Variants in WIPF3 observed in about 807,000 individuals in gnomAD.
WIPF3 encodes WAS/WASL-interacting protein family member 3.
Under a neutral mutation model 38.9 loss-of-function variants are expected in WIPF3, and 33 were observed. The observed-to-expected ratio is 0.85, with a 90% CI of 0.64 to 1.14. WIPF3 has a LOEUF of 1.14. Ranked by LOEUF, WIPF3 falls within the 50% of genes most tolerant of loss-of-function variation. WIPF3 has a pLI of 0.00. For synonymous variants in WIPF3, 324 were observed against 269.3 expected (o/e 1.20, Z -1.99); for missense variants, 711 against 652.5 (o/e 1.09, Z -0.98).
chr7:29,906,459 G>T (rs564636654), intron 8 of WIPF3, among the ~76,000 whole-genome samples: 1 of 152,212 alleles, frequency 6.6e-6, no homozygotes, highest in African/African-American at 2.4e-5. Context: ...CAAACTTGAA[G>T]ATAGGACAAC....
chr7:29,875,919 CAA>C lies in WIPF3; in HGVS notation c.182_183del (p.Lys61SerfsTer16). On this transcript the variant is annotated frameshift_variant, in exon 3 of 9. Transcript: ENST00000242140. LOFTEE classifies it high-confidence loss of function. ...ADIQQGTRLR[K>X]VTQINDRSAP... The stretch of plus-strand genomic sequence containing the variant: ...ATATCCAGCAAGGAACTCGCCTGCG[CAA>C]AGTCACGCAGATCAACGACCGCAGT... The C allele has an allele frequency of 1.2e-6, 2 of 1,614,030 alleles. No individual in the cohort carries two copies. The highest frequency in any genetic ancestry group is 1.7e-6 in the Non-Finnish European group (2 of 1,179,890).
At chr7:29,863,287 T>G (rs992282111) in intron 2 of WIPF3, among the ~76,000 whole-genome samples, 12 of 152,236 alleles carry the variant, frequency 7.9e-5, no homozygotes, top group Non-Finnish European at 1.8e-4. Flanking sequence ...TTATCATTAT[T>G]ATTCCATTGC....
intron 2 of WIPF3, among the ~76,000 whole-genome samples, chr7:29,861,575 A>T (rs575496758): frequency 6.6e-6 from 1 of 152,268 alleles, no homozygotes; most frequent in Non-Finnish European, 1.5e-5. Flanking sequence ...ATTTATTAAT[A>T]TATTGCTTGT....
At chr7:29,862,646 C>T (rs1337277859) in intron 2 of WIPF3, among the ~76,000 whole-genome samples, 1 of 152,098 alleles carries the variant, frequency 6.6e-6, no homozygotes, top group African/African-American at 2.4e-5. Flanking sequence ...ACTGTTTTGG[C>T]CAGGGTGTAA....
At chr7:29,838,127 C>G (rs1215807118) in intron 2 of WIPF3, among the ~76,000 whole-genome samples, 1 of 152,198 alleles carries the variant, frequency 6.6e-6, no homozygotes, top group Non-Finnish European at 1.5e-5. Flanking sequence ...ACTGTGTTAG[C>G]CAGGATGGTC....
intron 2 of WIPF3, among the ~76,000 whole-genome samples, chr7:29,860,483 T>C (rs551284870): frequency 2.0e-5 from 3 of 152,308 alleles, no homozygotes; most frequent in Admixed American, 2.0e-4. Flanking sequence ...CCACTTTGCC[T>C]TCTACCATAA....
intron 7 of WIPF3, among the ~76,000 whole-genome samples, chr7:29,892,056 A>G (rs1423392596): frequency 6.6e-6 from 1 of 152,180 alleles, no homozygotes; most frequent in African/African-American, 2.4e-5. Context: ...CCCTTTCCCC[A>G]TCTTGTGAAA....
At chr7:29,875,303 C>T (rs903229825) in intron 2 of WIPF3, among the ~76,000 whole-genome samples, 2 of 152,102 alleles carry the variant, frequency 1.3e-5, no homozygotes, top group Admixed American at 6.5e-5. Flanking sequence ...GCATGAGCCA[C>T]CCAGGACCCA....
chr7:29,825,987 A>G (rs1784609834), intron 1 of WIPF3, among the ~76,000 whole-genome samples: 2 of 152,226 alleles, frequency 1.3e-5, no homozygotes, highest in South Asian at 2.1e-4. Flanking sequence ...TGTGAGAGCA[A>G]TGGTTTCCCT....
At chr7:29,887,067 G>A (rs1468340673) in intron 5 of WIPF3, among the ~76,000 whole-genome samples, 5 of 152,236 alleles carry the variant, frequency 3.3e-5, no homozygotes, top group African/African-American at 7.2e-5. Context: ...CATGAGACAC[G>A]AGGATGGCGG....
At chr7:29,884,618 G>T in intron 5 of WIPF3, 25 bp downstream of exon 5, 11 of 1,581,340 alleles carry the variant, frequency 7.0e-6, no homozygotes, top group Non-Finnish European at 9.4e-6. Flanking sequence ...CTGGCCCAGT[G>T]CCCCTGGTGG....
At chr7:29,868,500 G>C (rs1036036473) in intron 2 of WIPF3, among the ~76,000 whole-genome samples, 5 of 147,112 alleles carry the variant, frequency 3.4e-5, no homozygotes, top group African/African-American at 1.2e-4. Flanking sequence ...TCTGGGTCTA[G>C]AGTATAAATA....
Position 29,834,670 on chromosome 7 carries a change from C to G in WIPF3, c.-55C>G. The stretch of plus-strand genomic sequence containing the variant: ...TCCATTCTTTTTCTCTTTTTCAGAG[C>G]AGAAGCCACTCTCTTGGGACCATTC... On this transcript the variant is annotated splice_region_variant and 5_prime_UTR_variant, in exon 2 of 9. Transcript: ENST00000242140. The G allele has an allele frequency of 7.2e-7, 1 of 1,395,356 alleles. No individual in the cohort carries two copies. Among genetic ancestry groups the G allele is most frequent in the Non-Finnish European group, 9.3e-7 (1 of 1,072,848 alleles). The allele number at this position is 1,395,356 out of a possible 1,614,324, so 86.4% of individuals were successfully genotyped here.
chr7:29,910,914 A>G (rs2128081999), intron 8 of WIPF3, among the ~76,000 whole-genome samples: 1 of 152,280 alleles, frequency 6.6e-6, no homozygotes, highest in South Asian at 2.1e-4. Context: ...AAGTCTATCC[A>G]GAGCAAAGTT....
chr7:29,877,271 A>T (rs1785619262), intron 3 of WIPF3, among the ~76,000 whole-genome samples: 1 of 152,222 alleles, frequency 6.6e-6, no homozygotes, highest in Non-Finnish European at 1.5e-5. Flanking sequence ...CATTTTTAAA[A>T]GCCAGCTAGC....
chr7:29,857,475 G>T (rs1017998149), intron 2 of WIPF3, among the ~76,000 whole-genome samples: 12 of 152,022 alleles, frequency 7.9e-5, no homozygotes, highest in Non-Finnish European at 2.9e-5. Flanking sequence ...GGCTTCTACA[G>T]ATTTTTTTTT....
At chr7:29,893,096 G>T (rs1229656107) in intron 7 of WIPF3, among the ~76,000 whole-genome samples, 1 of 152,042 alleles carries the variant, frequency 6.6e-6, no homozygotes, top group Admixed American at 6.6e-5. Flanking sequence ...AAGAGTCTGT[G>T]CAAGGGAGGT....
intron 1 of WIPF3, among the ~76,000 whole-genome samples, chr7:29,821,386 C>A (rs1168547476): frequency 1.3e-5 from 2 of 152,156 alleles, no homozygotes; most frequent in African/African-American, 4.8e-5. Context: ...CCTCCACCTT[C>A]TAGCCTCAAG....
chr7:29,863,217 C>G (rs1785328556), intron 2 of WIPF3, among the ~76,000 whole-genome samples: 1 of 152,138 alleles, frequency 6.6e-6, no homozygotes, highest in African/African-American at 2.4e-5. Flanking sequence ...ATCGTGCCAC[C>G]CATTTGTAAT....
Sources: gnomAD v4.1 joint callset for allele counts (sites outside exome capture counted in the v4.1 genomes callset) on GRCh38, gnomAD v4.1.1 for gene constraint, MANE v1.5 for transcripts, NCBI Gene and HGNC (gene_info 2026-07-23, HGNC 2026-07-21) for gene names.